Variants in CACNG7 observed in about 807,000 individuals in gnomAD.
The protein encoded by CACNG7 is voltage-dependent calcium channel gamma-7 subunit.
In CACNG7, 9 loss-of-function variants were observed where a neutral mutation model predicts 26.3. The observed-to-expected ratio is 0.34, with a 90% CI of 0.21 to 0.60. The LOEUF (loss-of-function observed/expected upper bound fraction) is 0.60, where lower values mean the gene tolerates loss of function less well. Ranked by LOEUF, CACNG7 falls within the 20% of genes least tolerant of loss-of-function variation. CACNG7 has a pLI of 0.81. For missense variants in CACNG7, 297 were observed against 380.4 expected (o/e 0.78, Z 1.82); for synonymous variants, 170 against 157.0 (o/e 1.08, Z -0.62).
At chr19:53,927,971 C>T (rs2069044400) in intron 4 of CACNG7, among the ~76,000 whole-genome samples, 1 of 151,438 alleles carries the variant, frequency 6.6e-6, no homozygotes, top group Admixed American at 6.6e-5. Context: ...ATGTAGGTGA[C>T]TCTTGCCTAC....
At chr19:53,932,951 G>T (rs775080322) in intron 4 of CACNG7, among the ~76,000 whole-genome samples, 25 of 151,532 alleles carry the variant, frequency 1.6e-4, no homozygotes, top group Non-Finnish European at 3.1e-4. Context: ...GGGATTACAG[G>T]CATCTGCCAT....
At chr19:53,937,665 A>G (rs1012511843) in intron 4 of CACNG7, among the ~76,000 whole-genome samples, 4 of 142,400 alleles carry the variant, frequency 2.8e-5, no homozygotes, top group Non-Finnish European at 4.5e-5. Flanking sequence ...ATCTTGACTC[A>G]TTGCAACCTC....
chr19:53,921,626 TGG>T (rs2068954094), intron 4 of CACNG7, among the ~76,000 whole-genome samples: 1 of 72,582 alleles, frequency 1.4e-5, no homozygotes, highest in Non-Finnish European at 2.3e-5. Context: ...TGGTCATTGG[TGG>T]AGTCGTCCCC....
intron 4 of CACNG7, among the ~76,000 whole-genome samples, chr19:53,919,096 C>T (rs1463217994): frequency 6.6e-6 from 1 of 152,060 alleles, no homozygotes; most frequent in Non-Finnish European, 1.5e-5. Context: ...AATTTTTCTC[C>T]CCTTCTGGCC....
intron 4 of CACNG7, among the ~76,000 whole-genome samples, chr19:53,937,099 AGGCT>A (rs1461627929): frequency 2.0e-5 from 3 of 152,240 alleles, no homozygotes; most frequent in Admixed American, 1.3e-4. Context: ...TATGTTGTCC[AGGCT>A]GGTCTTGAGC....
chr19:53,919,483 GT>G lies in CACNG7; in HGVS notation c.424+3979del, dbSNP rs201199571. Among the ~76,000 whole-genome samples the G allele has an allele frequency of 6.9e-3, 984 of 142,754 alleles. 1 individual carries two copies. Among genetic ancestry groups the G allele is most frequent in the African/African-American group, 0.025 (902 of 36,064 alleles). The allele number at this position is 142,754 out of a possible 152,430, so 93.7% of individuals were successfully genotyped here. ...CTGGTCATTGGTGGACTTGCCCCAGGTCTGGTCATTGGTGGAGTTGTCCCCA... is the reference window on the plus strand; with the variant it reads ...CTGGTCATTGGTGGACTTGCCCCAGGCTGGTCATTGGTGGAGTTGTCCCCA... On this transcript the variant is annotated intron_variant, in intron 4 of 5. Coordinates refer to ENST00000391767, the MANE Select transcript of CACNG7 (RefSeq NM_031896.5).
chr19:53,913,145 C>G, intron 2 of CACNG7, 118 bp downstream of exon 2: 1 of 930,152 alleles, frequency 1.1e-6, no homozygotes, highest in Non-Finnish European at 1.6e-6. Context: ...TGATTCTCTC[C>G]TGGAAGTTCA....
chr19:53,922,852 C>T (rs1168519885), intron 4 of CACNG7, among the ~76,000 whole-genome samples: 2 of 75,120 alleles, frequency 2.7e-5, no homozygotes, highest in Non-Finnish European at 4.7e-5. Context: ...TGCAGTTGCC[C>T]CAGGTCTGGT....
intron 4 of CACNG7, among the ~76,000 whole-genome samples, chr19:53,928,812 A>G (rs1487815189): frequency 1.3e-5 from 2 of 151,974 alleles, no homozygotes; most frequent in Admixed American, 1.3e-4. Flanking sequence ...GTACAAACAT[A>G]CAGAATAAGG....
At chr19:53,914,461 A>T in intron 2 of CACNG7, 39 bp from the exon 3 acceptor site, 1 of 1,580,900 alleles carries the variant, frequency 6.3e-7, no homozygotes. Context: ...AGAGCTTAGG[A>T]GCCTCTCATC....
intron 4 of CACNG7, among the ~76,000 whole-genome samples, chr19:53,931,022 C>T (rs979701549): frequency 6.6e-6 from 1 of 151,872 alleles, no homozygotes; most frequent in African/African-American, 2.4e-5. Context: ...ATGGTAAAAT[C>T]CCGTCTCTCC....
intron 4 of CACNG7, among the ~76,000 whole-genome samples, chr19:53,923,922 G>A (rs2068993867): frequency 7.0e-6 from 1 of 142,532 alleles, no homozygotes; most frequent in African/African-American, 2.7e-5. Context: ...CATTGGTGGA[G>A]TTGTCCCCAG....
Position 53,942,416 on chromosome 19 carries a change from G to T in CACNG7, c.*123G>T. Reference sequence around the variant, plus strand: ...CTCCCACCCGGAGGAGGCTGCGCCAGCTTTAGGCCCCGCCCTCCTCCCAAT... The same window carrying T: ...CTCCCACCCGGAGGAGGCTGCGCCATCTTTAGGCCCCGCCCTCCTCCCAAT... On this transcript the variant is annotated 3_prime_UTR_variant, in exon 6 of 6. Coordinates refer to ENST00000391767, the MANE Select transcript of CACNG7 (RefSeq NM_031896.5). This position sits in a 1 kb window ranked among gnomAD's most constrained non-coding sequence, Gnocchi z 5.9. 6.7e-7 allele frequency: 1 copy of T among 1,501,632 alleles called. No homozygotes were observed. The highest frequency in any genetic ancestry group is 1.3e-5 in the South Asian group (1 of 75,786). 93.0% of individuals were successfully genotyped at this position (1,501,632 alleles called of 1,614,324 possible). A position where few individuals can be genotyped will look rare whatever the true frequency, so the allele number is the denominator to read the frequency against.
intron 4 of CACNG7, among the ~76,000 whole-genome samples, chr19:53,936,204 C>T (rs1490223463): frequency 2.0e-5 from 3 of 151,962 alleles, no homozygotes; most frequent in East Asian, 1.9e-4. Context: ...ATTCAGGTTA[C>T]GCATTCTCAG....
chr19:53,916,943 G>A (rs867250877), intron 4 of CACNG7, among the ~76,000 whole-genome samples: 17 of 152,066 alleles, frequency 1.1e-4, no homozygotes, highest in African/African-American at 3.9e-4. Flanking sequence ...GATTACAGGT[G>A]TGTGCCACCA....
In CACNG7 at chr19:53,940,801, T is replaced by C. The variant is rs2069132662; in HGVS notation, c.425-669T>C. Among the ~76,000 whole-genome samples the C allele has an allele frequency of 6.6e-6, 1 of 151,954 alleles. No individual in the cohort carries two copies. Among genetic ancestry groups the C allele is most frequent in the African/African-American group, 2.4e-5 (1 of 41,376 alleles). ...CGGGCGCGGTGGCTCAAACCTGTAA[T>C]CTTAGCATTTGGGGAGGCCGAGGTG... On this transcript the variant is annotated intron_variant, in intron 4 of 5. Transcript: ENST00000391767. This position sits in a 1 kb window ranked among gnomAD's most constrained non-coding sequence, Gnocchi z 4.1.
rs141935070 is a variant in CACNG7 at position 53,913,595 on chromosome 19, T to A, written c.196+568T>A. ...TGAAATCACACCACTGCCACTGCGC[T>A]CCAGCCTAGGAGACAGAGTGAGACT... On this transcript the variant is annotated intron_variant, in intron 2 of 5. Coordinates refer to ENST00000391767, the MANE Select transcript of CACNG7 (RefSeq NM_031896.5). Among the ~76,000 whole-genome samples the A allele has an allele frequency of 2.6e-3, 395 of 151,670 alleles. 1 individual carries two copies. Among genetic ancestry groups the A allele is most frequent in the Non-Finnish European group, 3.8e-3 (259 of 67,878 alleles).
intron 1 of CACNG7, among the ~76,000 whole-genome samples, chr19:53,910,071 A>G (rs945344843): frequency 6.6e-6 from 1 of 152,084 alleles, no homozygotes; most frequent in African/African-American, 2.4e-5. Context: ...CGGGCCAGTG[A>G]GAGGGAGGAG....
At chr19:53,938,678 T>A (rs2069119895) in intron 4 of CACNG7, among the ~76,000 whole-genome samples, 1 of 152,186 alleles carries the variant, frequency 6.6e-6, no homozygotes, top group Admixed American at 6.5e-5. Context: ...CCAGGCACAG[T>A]GGCTCACGCC....
Sources: allele counts gnomAD v4.1 joint callset (sites outside exome capture counted in the v4.1 genomes callset), GRCh38; gene constraint gnomAD v4.1.1; non-coding constraint Gnocchi (gnomAD v3.1); transcripts MANE v1.5; gene names NCBI Gene and HGNC (gene_info 2026-07-23, HGNC 2026-07-21).